Variants in DCLRE1C observed in about 807,000 individuals in gnomAD.
DCLRE1C encodes the protein protein artemis.
Under a neutral mutation model 61.4 loss-of-function variants are expected in DCLRE1C, and 47 were observed. The ratio of observed to expected loss-of-function variants is 0.77; its 90% CI spans 0.61 to 0.98. The LOEUF is 0.98. DCLRE1C is among the 50% of genes least tolerant of loss of function. The pLI is 0.00. For synonymous variants in DCLRE1C, 337 were observed against 287.6 expected (o/e 1.17, Z -1.74); for missense variants, 858 against 816.0 (o/e 1.05, Z -0.63).
intron 12 of DCLRE1C, among the ~76,000 whole-genome samples, chr10:14,920,742 G>C (rs1836962765): frequency 6.6e-6 from 1 of 152,190 alleles, no homozygotes; most frequent in Admixed American, 6.5e-5. Context: ...AGCACTTTGG[G>C]AGGCCAAGGC....
intron 11 of DCLRE1C, chr10:14,923,737 T>G (rs1448270757): frequency 6.5e-6 from 1 of 153,442 alleles, no homozygotes. Context: ...TTTGTTCAAA[T>G]GGTTCATTCT....
At chr10:14,918,772 T>C (rs1479210969) in intron 13 of DCLRE1C, among the ~76,000 whole-genome samples, 2 of 152,214 alleles carry the variant, frequency 1.3e-5, no homozygotes, top group African/African-American at 4.8e-5. Context: ...GTGGTTTTTT[T>C]TGGGCACCAG....
At chr10:14,950,233 G>T (rs1394850259) in intron 1 of DCLRE1C, among the ~76,000 whole-genome samples, 1 of 151,898 alleles carries the variant, frequency 6.6e-6, no homozygotes, top group East Asian at 1.9e-4. Flanking sequence ...CCAGCTACTT[G>T]GGAGGCTGAG....
At chr10:14,917,726 A>G (rs776024069) in intron 13 of DCLRE1C, among the ~76,000 whole-genome samples, 7 of 152,138 alleles carry the variant, frequency 4.6e-5, no homozygotes, top group Non-Finnish European at 8.8e-5. Context: ...CTGAAGTGGG[A>G]GGATCACTTG....
rs1465112695 is a variant in DCLRE1C, at chr10:14,906,743, A to G, written c.*1665T>C. On this transcript the variant is annotated 3_prime_UTR_variant, in exon 14 of 14. Coordinates refer to ENST00000378278, the MANE Select transcript of DCLRE1C (RefSeq NM_001033855.3). Reference sequence around the variant, plus strand: ...TGCTTTTGCTTCCATAATCTATGAAATGTCACAATAACTAAGTGTTCCTGA... The same window carrying G: ...TGCTTTTGCTTCCATAATCTATGAAGTGTCACAATAACTAAGTGTTCCTGA... Among the ~76,000 whole-genome samples, 1 of 152,210 alleles carries G rather than the reference A, an allele frequency of 6.6e-6. No individual in the cohort carries two copies. The highest frequency in any genetic ancestry group is 1.5e-5 in the Non-Finnish European group (1 of 68,032).
At chr10:14,926,708 A>G in intron 11 of DCLRE1C, 135 bp downstream of exon 11, 1 of 642,006 alleles carries the variant, frequency 1.6e-6, no homozygotes, top group Non-Finnish European at 2.8e-6. Flanking sequence ...AACTGCATTT[A>G]GGAAAAAAAA....
chr10:14,902,740 A>G (rs533744244), downstream of DCLRE1C: 9 of 325,464 alleles, frequency 2.8e-5, no homozygotes, highest in South Asian at 2.3e-4. Context: ...AGACCAAACT[A>G]ATGGAAGGCA....
chr10:14,905,751 G>A lies in DCLRE1C; in HGVS notation c.*2657C>T, dbSNP rs140601886. 5.9e-5 allele frequency among the ~76,000 whole-genome samples: 9 copies of A among 152,280 alleles called. No individual in the cohort carries two copies. The highest frequency in any genetic ancestry group is 2.0e-4 in the Admixed American group (3 of 15,296). The stretch of plus-strand genomic sequence containing the variant: ...TGTAATCCCAGCACTTTGGGAGGCC[G>A]AGGCGAGTGGATCACCAGAGGTCAG... On this transcript the variant is annotated 3_prime_UTR_variant, in exon 14 of 14. Coordinates refer to ENST00000378278, the MANE Select transcript of DCLRE1C (RefSeq NM_001033855.3).
chr10:14,914,495 A>T (rs1365327483), intron 13 of DCLRE1C, among the ~76,000 whole-genome samples: 1 of 152,230 alleles, frequency 6.6e-6, no homozygotes, highest in African/African-American at 2.4e-5. Context: ...CCTGAACAAC[A>T]TTGTCAACTA....
At chr10:14,934,925 C>T (rs1839654164) in intron 6 of DCLRE1C, 150 bp from the exon 7 acceptor site, 1 of 663,784 alleles carries the variant, frequency 1.5e-6, no homozygotes, top group Non-Finnish European at 2.7e-6. Flanking sequence ...CGGGTTCAAG[C>T]AATTCTCCTA....
At position 14,953,892 on chromosome 10, in the gene DCLRE1C, C is replaced by T. The variant is rs2131237889; in HGVS notation, c.109+10G>A. ...GCCCCGGGAGCGGGCGACGCGCAGC[C>T]CTCACTCACCTTTGTGGCAGTGGGA... is the stretch of plus-strand genomic sequence containing the variant. On this transcript the variant is annotated intron_variant, in intron 1 of 13. Transcript: ENST00000378278. 1.9e-6 allele frequency: 3 copies of T among 1,613,830 alleles called. No individual in the cohort carries two copies. The highest frequency in any genetic ancestry group is 1.1e-5 in the South Asian group (1 of 91,082).
upstream of DCLRE1C, chr10:14,954,216 A>C: frequency 1.3e-6 from 1 of 759,580 alleles, no homozygotes; most frequent in Non-Finnish European, 2.2e-6. Flanking sequence ...CTTGGGTTTA[A>C]ATCACCCGCG....
intron 11 of DCLRE1C, 151 bp from the exon 12 acceptor site, chr10:14,923,220 T>C (rs1191694585): frequency 1.5e-6 from 1 of 659,342 alleles, no homozygotes; most frequent in East Asian, 2.9e-5. Flanking sequence ...AGGGACCTCT[T>C]GGGAAAAAAA....
chr10:14,923,263 T>A, intron 11 of DCLRE1C, 194 bp from the exon 12 acceptor site: 1 of 581,898 alleles, frequency 1.7e-6, no homozygotes, highest in South Asian at 1.9e-5. Context: ...CCCAAAGATC[T>A]CCTGAACACT....
At chr10:14,949,837 A>C (rs377622210) in intron 1 of DCLRE1C, among the ~76,000 whole-genome samples, 1 of 145,118 alleles carries the variant, frequency 6.9e-6, no homozygotes, top group Non-Finnish European at 1.5e-5. Flanking sequence ...CTGAGGTCAG[A>C]AGTTCAAGAC....
chr10:14,921,334 AAAAC>A (rs1355269358), intron 12 of DCLRE1C, among the ~76,000 whole-genome samples: 48 of 152,248 alleles, frequency 3.2e-4, no homozygotes, highest in African/African-American at 9.1e-4. Context: ...AAAGAAAAAA[AAAAC>A]AAGCACCTGA....
At chr10:14,914,709 C>A (rs1588934643) in intron 13 of DCLRE1C, among the ~76,000 whole-genome samples, 1 of 152,248 alleles carries the variant, frequency 6.6e-6, no homozygotes, top group Non-Finnish European at 1.5e-5. Flanking sequence ...TTTTGGGAGG[C>A]AGGTGGATCA....
rs1305891604 is a variant in DCLRE1C, at chr10:14,907,300, C to G, written c.*1108G>C. Among the ~76,000 whole-genome samples the G allele has an allele frequency of 6.7e-6, 1 of 149,888 alleles. No homozygotes were observed. Among genetic ancestry groups the G allele is most frequent in the Non-Finnish European group, 1.5e-5 (1 of 67,608 alleles). On this transcript the variant is annotated 3_prime_UTR_variant, in exon 14 of 14. Coordinates refer to ENST00000378278, the MANE Select transcript of DCLRE1C (RefSeq NM_001033855.3). ...TAGCCATCAGTTTATCATACTAGAT[C>G]CAAGTTTGTCAATTTAAATCAGGTG...
chr10:14,927,032 T>A (rs1390718751), intron 10 of DCLRE1C, 135 bp from the exon 11 acceptor site: 2 of 721,528 alleles, frequency 2.8e-6, no homozygotes, highest in Admixed American at 2.2e-5. Context: ...AGTGTCGAAA[T>A]CACCCTAAAT....
Sources: allele counts gnomAD v4.1 joint callset (sites outside exome capture counted in the v4.1 genomes callset), GRCh38; gene constraint gnomAD v4.1.1; transcripts MANE v1.5; gene names NCBI Gene and HGNC (gene_info 2026-07-23, HGNC 2026-07-21).